Variants in ALOX5AP observed in about 807,000 individuals in gnomAD.
The protein encoded by ALOX5AP is arachidonate 5-lipoxygenase-activating protein.
A neutral mutation model predicts 18.5 loss-of-function variants in ALOX5AP; 9 were observed. That is an observed-to-expected ratio of 0.49 (90% CI 0.29 to 0.85). The LOEUF (loss-of-function observed/expected upper bound fraction) is 0.85, where lower values mean the gene tolerates loss of function less well. Among genes scored for constraint, ALOX5AP ranks in the 40% least tolerant of loss-of-function variants. The pLI is 0.08. For synonymous variants in ALOX5AP, 81 were observed against 78.6 expected (o/e 1.03, Z -0.16); for missense variants, 172 against 202.5 (o/e 0.85, Z 0.91).
chr13:30,724,142 C>T (rs756283673), intron 1 of ALOX5AP, among the ~76,000 whole-genome samples: 9 of 152,154 alleles, frequency 5.9e-5, no homozygotes. Flanking sequence ...CTTTCTGTTG[C>T]TATAAATTGT....
At chr13:30,721,413 C>T (rs144905866) in intron 1 of ALOX5AP, among the ~76,000 whole-genome samples, 13 of 152,228 alleles carry the variant, frequency 8.5e-5, no homozygotes, top group African/African-American at 2.6e-4. Flanking sequence ...GCAGTGGCCC[C>T]GACATTTATC....
chr13:30,727,302 C>T (rs1951646650), intron 1 of ALOX5AP, among the ~76,000 whole-genome samples: 1 of 151,738 alleles, frequency 6.6e-6, no homozygotes, highest in Admixed American at 6.6e-5. Context: ...CTTTGACCTC[C>T]CAAAGTGCTA....
chr13:30,731,377 T>C (rs1951679525), upstream of ALOX5AP, among the ~76,000 whole-genome samples: 2 of 134,616 alleles, frequency 1.5e-5, no homozygotes, highest in Admixed American at 1.5e-4. Flanking sequence ...TTGACCACAT[T>C]TTTTTTTTTT....
chr13:30,747,929 A>AT (rs1006247097), intron 2 of ALOX5AP, among the ~76,000 whole-genome samples: 19 of 149,898 alleles, frequency 1.3e-4, no homozygotes, highest in African/African-American at 2.0e-4. Context: ...TTTTATTTTT[A>AT]TTTTTTTTTG....
upstream of ALOX5AP, among the ~76,000 whole-genome samples, chr13:30,730,941 C>T (rs1951676084): frequency 1.3e-5 from 2 of 152,170 alleles, no homozygotes; most frequent in African/African-American, 4.8e-5. Context: ...CTTGCCTACT[C>T]CCAGCATATT....
intron 2 of ALOX5AP, among the ~76,000 whole-genome samples, chr13:30,746,940 A>G (rs1951814249): frequency 6.6e-6 from 1 of 152,254 alleles, no homozygotes; most frequent in African/African-American, 2.4e-5. Context: ...GGTGGATTAA[A>G]AAGACAGATG....
upstream of ALOX5AP, among the ~76,000 whole-genome samples, chr13:30,734,571 G>A (rs1951705916): frequency 6.6e-6 from 1 of 152,216 alleles, no homozygotes; most frequent in Admixed American, 6.5e-5. Context: ...ATACCAGGCA[G>A]CCACCTCACC....
chr13:30,762,463 C>T (rs999893162), intron 4 of ALOX5AP, among the ~76,000 whole-genome samples: 1 of 151,962 alleles, frequency 6.6e-6, no homozygotes, highest in African/African-American at 2.4e-5. Flanking sequence ...GTGGCAGGTG[C>T]CTGTAATCCC....
At chr13:30,752,017 CTGAT>C (rs764123878) in intron 2 of ALOX5AP, 31 bp from the exon 3 acceptor site, 5 of 1,603,630 alleles carry the variant, frequency 3.1e-6, no homozygotes, top group South Asian at 2.2e-5. Flanking sequence ...AACTTGGTCT[CTGAT>C]TGTTTTTCTC....
rs138651308 is a variant in ALOX5AP at position 30,717,905 on chromosome 13, C to T, written c.116+4064C>T. 4.3e-3 allele frequency among the ~76,000 whole-genome samples: 656 copies of T among 151,700 alleles called. 7 individuals carry two copies. The highest frequency in any genetic ancestry group is 0.015 in the African/African-American group (630 of 41,428). On this transcript the variant is annotated intron_variant, in intron 1 of 5. Transcript: ENST00000617770. ...GGGTGGGGTCAAGATTAGAGTCCTG[C>T]CTTGACGGGCAGGTGAAAGGGGTAG... is the stretch of plus-strand genomic sequence containing the variant.
intron 1 of ALOX5AP, among the ~76,000 whole-genome samples, chr13:30,714,206 C>CAAA (rs57400275): frequency 2.7e-5 from 3 of 111,870 alleles, no homozygotes; most frequent in African/African-American, 9.0e-5. Flanking sequence ...TGCTAACTTT[C>CAAA]AAAAAAAAAA....
chr13:30,722,635 TG>T (rs1357400095), intron 1 of ALOX5AP, among the ~76,000 whole-genome samples: 1 of 152,182 alleles, frequency 6.6e-6, no homozygotes, highest in Non-Finnish European at 1.5e-5. Context: ...CCCATAAAAC[TG>T]TATCTGATAT....
chr13:30,751,883 G>A lies in ALOX5AP; in HGVS notation c.171-169G>A, dbSNP rs1410150945. 2.6e-5 allele frequency among the ~76,000 whole-genome samples: 4 copies of A among 152,368 alleles called. No individual in the cohort carries two copies. The East Asian group carries it at 5.8e-4, about 22-fold the overall frequency. On this transcript the variant is annotated intron_variant, in intron 2 of 4. Coordinates refer to ENST00000380490, the MANE Select transcript of ALOX5AP (RefSeq NM_001629.4). ...CTTTATACCATTGTTTGTTTCCCAG[G>A]TGGCAGCTGGCTGCCCCATCTTATT...
At chr13:30,762,587 C>CAA (rs539920282) in intron 4 of ALOX5AP, among the ~76,000 whole-genome samples, 67 of 100,894 alleles carry the variant, frequency 6.6e-4, no homozygotes, top group Non-Finnish European at 5.7e-4. Context: ...GACTCAGTCT[C>CAA]AAAAAAAAAA....
intron 1 of ALOX5AP, among the ~76,000 whole-genome samples, chr13:30,741,403 TTTTTC>T (rs1951763434): frequency 6.7e-6 from 1 of 150,206 alleles, no homozygotes; most frequent in South Asian, 2.1e-4. Flanking sequence ...TTTTTTTTTT[TTTTTC>T]TTTTTGAGAT....
chr13:30,731,156 T>C (rs1287481544), upstream of ALOX5AP, among the ~76,000 whole-genome samples: 2 of 152,168 alleles, frequency 1.3e-5, no homozygotes, highest in Non-Finnish European at 2.9e-5. Context: ...TTCTTTCCTT[T>C]CTAAGAATCT....
chr13:30,734,192 T>A (rs17222919), upstream of ALOX5AP, among the ~76,000 whole-genome samples: 1 of 152,128 alleles, frequency 6.6e-6, no homozygotes, highest in Non-Finnish European at 1.5e-5. Flanking sequence ...CCCTAGGTAC[T>A]CAGGGAGTAC....
chr13:30,729,945 A>C (rs1269215098), intron 1 of ALOX5AP, among the ~76,000 whole-genome samples: 2 of 152,228 alleles, frequency 1.3e-5, no homozygotes, highest in African/African-American at 4.8e-5. Flanking sequence ...TGCTTCATTT[A>C]CGTACAAATG....
chr13:30,749,320 C>T (rs1239727133), intron 2 of ALOX5AP, among the ~76,000 whole-genome samples: 2 of 152,110 alleles, frequency 1.3e-5, no homozygotes, highest in Admixed American at 6.5e-5. Context: ...AAACCAAAGA[C>T]CCGAAACATG....
Sources: allele counts gnomAD v4.1 joint callset (sites outside exome capture counted in the v4.1 genomes callset), GRCh38; gene constraint gnomAD v4.1.1; transcripts MANE v1.5; gene names NCBI Gene and HGNC (gene_info 2026-07-23, HGNC 2026-07-21).